The following SWAP70 variants were observed in gnomAD, a reference collection of about 807,000 sequenced individuals.
SWAP70 encodes the protein switching B cell complex subunit SWAP70, also known as switch-associated protein 70.
Under a neutral mutation model 80.2 loss-of-function variants are expected in SWAP70, and 34 were observed. That is an observed-to-expected ratio of 0.42 (90% CI 0.32 to 0.56). SWAP70 has a LOEUF of 0.56. Among genes scored for constraint, SWAP70 ranks in the 20% least tolerant of loss-of-function variants. The pLI is 0.09. For missense variants in SWAP70, 578 were observed against 690.7 expected (o/e 0.84, Z 1.83); for synonymous variants, 239 against 238.5 (o/e 1.00, Z -0.02).
At chr11:9,729,236 G>A (rs575368993) in intron 5 of SWAP70, 107 bp from the exon 6 acceptor site, 1 of 712,616 alleles carries the variant, frequency 1.4e-6, no homozygotes, top group Non-Finnish European at 2.4e-6. Flanking sequence ...GAATTTATAG[G>A]TATTTTTCAT....
intron 3 of SWAP70, chr11:9,720,634 T>A (rs536728832): frequency 3.1e-6 from 1 of 321,014 alleles, no homozygotes; most frequent in Admixed American, 6.5e-5. Context: ...AAACTTCGAC[T>A]TGTGCCTGTA....
Position 9,740,369 on chromosome 11 carries a change from T to C in SWAP70, c.1355+22T>C, listed in dbSNP as rs1851420076. ...CCAGGTGCCAGATTTGTTTGCAGAC[T>C]TTGCCTTTATGTACTTTGCCTGGGC... On this transcript the variant is annotated intron_variant, in intron 9 of 11. Coordinates refer to ENST00000318950, the MANE Select transcript of SWAP70 (RefSeq NM_015055.4). 1.9e-6 allele frequency: 3 copies of C among 1,613,604 alleles called. No homozygotes were observed. The Admixed American group carries it at 5.0e-5, about 27-fold the overall frequency.
At chr11:9,723,771 CTTTTT>C (rs34551025) in intron 3 of SWAP70, among the ~76,000 whole-genome samples, 4 of 124,610 alleles carry the variant, frequency 3.2e-5, no homozygotes, top group Non-Finnish European at 5.0e-5. Context: ...TCCTTCTTTA[CTTTTT>C]TTTTTTTTTT....
intron 1 of SWAP70, among the ~76,000 whole-genome samples, chr11:9,682,591 TTA>T (rs1170304826): frequency 6.6e-6 from 1 of 152,244 alleles, no homozygotes; most frequent in Non-Finnish European, 1.5e-5. Flanking sequence ...TTTTTTCTTT[TTA>T]TAAATGTTTA....
intron 3 of SWAP70, among the ~76,000 whole-genome samples, chr11:9,717,608 T>A (rs1024642776): frequency 6.9e-6 from 1 of 145,130 alleles, no homozygotes; most frequent in East Asian, 2.0e-4. Flanking sequence ...GAGCAGAGAG[T>A]GGCATCATGC....
At chr11:9,743,161 G>C (rs1458302232) in intron 9 of SWAP70, among the ~76,000 whole-genome samples, 2 of 145,926 alleles carry the variant, frequency 1.4e-5, no homozygotes, top group African/African-American at 2.6e-5. Context: ...TTGGTTTTTT[G>C]TTCTTGCGAT....
chr11:9,698,388 A>G (rs546041909), intron 2 of SWAP70, among the ~76,000 whole-genome samples: 46 of 151,546 alleles, frequency 3.0e-4, no homozygotes, highest in Admixed American at 1.5e-3. Flanking sequence ...GGCGTGAGCC[A>G]CTGTGCCTGA....
intron 2 of SWAP70, among the ~76,000 whole-genome samples, chr11:9,706,301 A>G (rs370304201): frequency 0.068 from 7,841 of 115,390 alleles, 384 homozygotes; most frequent in African/African-American, 0.17. Flanking sequence ...TGATCTGTAT[A>G]CACTGGTGAT....
intron 1 of SWAP70, among the ~76,000 whole-genome samples, chr11:9,671,528 A>G (rs1211543747): frequency 1.5e-5 from 1 of 64,974 alleles, no homozygotes; most frequent in Non-Finnish European, 3.1e-5. Flanking sequence ...ATATAAATAT[A>G]TAAATATATA....
At chr11:9,726,769 A>C (rs1851230455) in intron 4 of SWAP70, 17 of 410,782 alleles carry the variant, frequency 4.1e-5, no homozygotes, top group South Asian at 3.0e-4. Flanking sequence ...ATAATGTATA[A>C]TTTTGCTTAA....
intron 7 of SWAP70, 136 bp downstream of exon 7, chr11:9,732,846 GAAGTGTTTCC>G: frequency 2.4e-6 from 2 of 837,258 alleles, no homozygotes; most frequent in Non-Finnish European, 3.6e-6. Flanking sequence ...ACTGTTCTCA[GAAGTGTTTCC>G]AGACCATCAA....
chr11:9,715,843 A>G (rs559474446), intron 3 of SWAP70, among the ~76,000 whole-genome samples: 1 of 152,208 alleles, frequency 6.6e-6, no homozygotes, highest in South Asian at 2.1e-4. Context: ...CTGCCCCAGA[A>G]CTCAACTTTT....
chr11:9,720,564 G>A lies in SWAP70; in HGVS notation c.415-4094G>A, dbSNP rs183200729. 214 of 827,146 alleles carry A rather than the reference G, an allele frequency of 2.6e-4. No homozygotes were observed. In the African/African-American group the frequency reaches 3.4e-3, roughly 13 times the overall value. The allele number at this position is 827,146 out of a possible 1,614,324, so 51.2% of individuals were successfully genotyped here. ...GGCTCTACCATCTTGTCTCACCCAC[G>A]TGTAGTCATACTGCACACACATGTG... is the stretch of plus-strand genomic sequence containing the variant. On this transcript the variant is annotated intron_variant, in intron 3 of 11. Transcript: ENST00000318950.
At chr11:9,665,501 C>T (rs1267347850) in intron 1 of SWAP70, among the ~76,000 whole-genome samples, 1 of 152,196 alleles carries the variant, frequency 6.6e-6, no homozygotes, top group Non-Finnish European at 1.5e-5. Flanking sequence ...ACCATGGCTT[C>T]CTCAGTTCCA....
chr11:9,725,547 ATATATATATATATATATATATATTT>A (rs1851202670), intron 4 of SWAP70, among the ~76,000 whole-genome samples: 2 of 10,072 alleles, frequency 2.0e-4, no homozygotes, highest in Admixed American at 1.2e-3. Context: ...ATATATATAT[ATATATATATATATATATATATATTT>A]TTTTTTTTTT....
chr11:9,673,542 A>G (rs892094141), intron 1 of SWAP70, among the ~76,000 whole-genome samples: 50 of 152,334 alleles, frequency 3.3e-4, no homozygotes, highest in Non-Finnish European at 5.6e-4. Flanking sequence ...ACAGACAACC[A>G]TGTAGAAATG....
At position 9,715,452 on chromosome 11, in the gene SWAP70, C is replaced by T. The variant is rs1229400654; in HGVS notation, c.414+1813C>T. Among the ~76,000 whole-genome samples, 4 of 152,154 alleles carry T rather than the reference C, an allele frequency of 2.6e-5. No homozygotes were observed. The South Asian group carries it at 8.3e-4, about 32-fold the overall frequency. ...CCAGAGGATGGGTGTTGCACTTATACCATGGAACACATCTGGTCCTGGACA... is the reference window on the plus strand; with the variant it reads ...CCAGAGGATGGGTGTTGCACTTATATCATGGAACACATCTGGTCCTGGACA... On this transcript the variant is annotated intron_variant, in intron 3 of 11. Transcript: ENST00000318950.
At position 9,714,460 on chromosome 11, in the gene SWAP70, C is replaced by T. The variant is rs1326839508; in HGVS notation, c.414+821C>T. ...GTACTCAGTAACTCTTAAGACTACT[C>T]TTATTACATGCATTTTTGCATACTA... On this transcript the variant is annotated intron_variant, in intron 3 of 11. Transcript: ENST00000318950. 4.6e-5 allele frequency among the ~76,000 whole-genome samples: 7 copies of T among 152,146 alleles called. No individual in the cohort carries two copies. The East Asian group carries it at 7.7e-4, about 17-fold the overall frequency.
chr11:9,725,544 TATATATATATATATATA>T (rs1851201801), intron 4 of SWAP70, among the ~76,000 whole-genome samples: 1 of 8,832 alleles, frequency 1.1e-4, no homozygotes, highest in African/African-American at 3.4e-4. Flanking sequence ...TATATATATA[TATATATATATATATATA>T]TATATATATT....
Sources: gnomAD v4.1 joint callset for allele counts (sites outside exome capture counted in the v4.1 genomes callset) on GRCh38, gnomAD v4.1.1 for gene constraint, MANE v1.5 for transcripts, NCBI Gene and HGNC (gene_info 2026-07-23, HGNC 2026-07-21) for gene names.